LINGO2: variants seen among roughly 807,000 people sequenced by gnomAD.
LINGO2 encodes leucine rich repeat and Ig domain containing 2.
A neutral mutation model predicts 30.6 loss-of-function variants in LINGO2; 14 were observed. That is an observed-to-expected ratio of 0.46 (90% CI 0.30 to 0.72). LINGO2 has a LOEUF of 0.72. Among genes scored for constraint, LINGO2 ranks in the 30% least tolerant of loss-of-function variants. LINGO2 has a pLI of 0.07. For synonymous variants in LINGO2, 317 were observed against 288.5 expected, an observed-to-expected ratio of 1.10 and a Z score of -1.00; for missense variants, 729 against 751.7, an observed-to-expected ratio of 0.97 and a Z score of 0.35.
the LINGO2 span, among the ~76,000 whole-genome samples, chr9:28,899,218 A>G: frequency 1.3e-5 from 2 of 152,198 alleles, no homozygotes; most frequent in Admixed American, 6.5e-5. Flanking sequence ...CAGTGTGAGA[A>G]GAGATACATT....
intron 1 of LINGO2, among the ~76,000 whole-genome samples, chr9:28,624,318 AC>A (rs1337254975): frequency 1.3e-5 from 2 of 152,012 alleles, no homozygotes; most frequent in African/African-American, 2.4e-5. Flanking sequence ...TCTGTCATGT[AC>A]AGCTTTTTTT....
chr9:28,328,502 G>C (rs1460861039), intron 3 of LINGO2, among the ~76,000 whole-genome samples: 4 of 151,594 alleles, frequency 2.6e-5, no homozygotes, highest in Admixed American at 1.3e-4. Context: ...ATTATTGTGG[G>C]AACTAGGAAG....
chr9:28,487,963 C>G (rs1477317592), intron 1 of LINGO2, among the ~76,000 whole-genome samples: 5 of 152,084 alleles, frequency 3.3e-5, no homozygotes, highest in Non-Finnish European at 5.9e-5. Context: ...AAACAATTAG[C>G]TATTTAGCCT....
intron 1 of LINGO2, among the ~76,000 whole-genome samples, chr9:28,651,442 G>C (rs771803853): frequency 4.1e-4 from 62 of 152,028 alleles, no homozygotes; most frequent in African/African-American, 1.4e-3. Flanking sequence ...CAGTGAGATA[G>C]CTCTGAGAAC....
chr9:28,490,210 A>T (rs1041902171), intron 1 of LINGO2, among the ~76,000 whole-genome samples: 1 of 152,162 alleles, frequency 6.6e-6, no homozygotes, highest in Non-Finnish European at 1.5e-5. Flanking sequence ...TTCAAGTTCC[A>T]ATACAACCTT....
At chr9:28,635,462 AG>A (rs1473073326) in intron 1 of LINGO2, among the ~76,000 whole-genome samples, 1 of 152,138 alleles carries the variant, frequency 6.6e-6, no homozygotes, top group Non-Finnish European at 1.5e-5. Flanking sequence ...GGCATGGAAA[AG>A]TGTAGAGAGT....
At chr9:28,683,866 T>G in the LINGO2 span, among the ~76,000 whole-genome samples, 1 of 152,154 alleles carries the variant, frequency 6.6e-6, no homozygotes, top group Non-Finnish European at 1.5e-5. Flanking sequence ...TAGATATTAA[T>G]GTATTTCCTT....
the LINGO2 span, among the ~76,000 whole-genome samples, chr9:28,867,573 A>T: frequency 6.6e-6 from 1 of 152,152 alleles, no homozygotes; most frequent in Non-Finnish European, 1.5e-5. Flanking sequence ...AGTTATTGGA[A>T]TTTTAACTAT....
At chr9:28,433,076 T>A (rs1823745922) in intron 2 of LINGO2, among the ~76,000 whole-genome samples, 1 of 152,232 alleles carries the variant, frequency 6.6e-6, no homozygotes, top group African/African-American at 2.4e-5. Flanking sequence ...AATTGTTACT[T>A]TTTAGCATTC....
chr9:28,807,269 A>G, the LINGO2 span, among the ~76,000 whole-genome samples: 3 of 152,028 alleles, frequency 2.0e-5, no homozygotes, highest in Admixed American at 2.0e-4. Flanking sequence ...GAGATCTGCC[A>G]GCCTCGGCCT....
Position 28,226,679 on chromosome 9 carries a change from GAAAGAAAGAAAGAAAGAA to G in LINGO2, c.-87+68511_-87+68528del, listed in dbSNP as rs1286223710. 7.0e-4 allele frequency among the ~76,000 whole-genome samples: 66 copies of G among 94,904 alleles called. 2 individuals carry two copies. The highest frequency in any genetic ancestry group is 3.0e-3 in the African/African-American group (52 of 17,172). 62.3% of individuals were successfully genotyped at this position (94,904 alleles called of 152,430 possible). ...AGAAAGAAAGAAAGAAAGAAAGAAA[GAAAGAAAGAAAGAAAGAA>G]AGAAAGAGAAAGAGAAAGAAAGAAA... On this transcript the variant is annotated intron_variant, in intron 4 of 5. Transcript: ENST00000379992.
At chr9:28,629,653 T>A (rs527584621) in intron 1 of LINGO2, among the ~76,000 whole-genome samples, 109 of 152,222 alleles carry the variant, frequency 7.2e-4, no homozygotes, top group African/African-American at 2.5e-3. Flanking sequence ...TGGGTTAGAA[T>A]ACAATAATGT....
chr9:28,529,910 A>G (rs868496147), intron 1 of LINGO2, among the ~76,000 whole-genome samples: 1 of 152,100 alleles, frequency 6.6e-6, no homozygotes, highest in African/African-American at 2.4e-5. Context: ...CTAACTGGTT[A>G]TTCAATCTTG....
At chr9:28,782,594 A>G in the LINGO2 span, among the ~76,000 whole-genome samples, 5 of 152,244 alleles carry the variant, frequency 3.3e-5, no homozygotes, top group African/African-American at 1.2e-4. Context: ...TTGACAAAGA[A>G]TAATAAGTAG....
At chr9:29,005,585 C>T in the LINGO2 span, among the ~76,000 whole-genome samples, 1 of 151,968 alleles carries the variant, frequency 6.6e-6, no homozygotes, top group African/African-American at 2.4e-5. Flanking sequence ...AAAAGATATA[C>T]ATGCTATGTT....
At chr9:29,150,468 G>T in the LINGO2 span, among the ~76,000 whole-genome samples, 15 of 152,130 alleles carry the variant, frequency 9.9e-5, no homozygotes, top group African/African-American at 3.1e-4. Context: ...AATCTAGATG[G>T]CAAGAAAGCT....
intron 5 of LINGO2, among the ~76,000 whole-genome samples, chr9:27,983,515 CA>C (rs1447988389): frequency 1.3e-5 from 2 of 151,956 alleles, no homozygotes; most frequent in African/African-American, 4.8e-5. Flanking sequence ...ACCAGAGATG[CA>C]AAAGCATATA....
At chr9:28,387,728 G>C (rs750368671) in intron 2 of LINGO2, among the ~76,000 whole-genome samples, 10 of 152,162 alleles carry the variant, frequency 6.6e-5, no homozygotes, top group Non-Finnish European at 1.2e-4. Context: ...CCTGAAGTCA[G>C]CAAGACTACA....
chr9:28,090,287 T>G (rs528501199), intron 4 of LINGO2, among the ~76,000 whole-genome samples: 4 of 152,260 alleles, frequency 2.6e-5, no homozygotes, highest in African/African-American at 7.2e-5. Flanking sequence ...CCAATATCCT[T>G]GATGAACATC....
Sources: gnomAD v4.1 joint callset for allele counts (sites outside exome capture counted in the v4.1 genomes callset) on GRCh38, gnomAD v4.1.1 for gene constraint, MANE v1.5 for transcripts, NCBI Gene and HGNC (gene_info 2026-07-23, HGNC 2026-07-21) for gene names.